The following LHX8 variants were observed in gnomAD, a reference collection of about 807,000 sequenced individuals.
LHX8 encodes the protein LIM homeobox 8.
In LHX8, 12 loss-of-function variants were observed where a neutral mutation model predicts 40.3. The ratio of observed to expected loss-of-function variants is 0.30; its 90% CI spans 0.19 to 0.48. LHX8 has a LOEUF of 0.48. Among genes scored for constraint, LHX8 ranks in the 20% least tolerant of loss-of-function variants. LHX8 has a pLI of 0.99. For missense variants in LHX8, 344 were observed against 433.7 expected (o/e 0.79, Z 1.84); for synonymous variants, 179 against 162.0 (o/e 1.10, Z -0.80).
chr1:75,156,228 G>GTT (rs1553134302), intron 7 of LHX8, among the ~76,000 whole-genome samples: 1,872 of 129,194 alleles, frequency 0.014, 30 homozygotes, highest in African/African-American at 0.036. Context: ...TGTTGTTGTT[G>GTT]TTGTTGTTTT....
At chr1:75,146,979 A>T (rs1291923912) in intron 6 of LHX8, among the ~76,000 whole-genome samples, 3 of 152,174 alleles carry the variant, frequency 2.0e-5, no homozygotes, top group Non-Finnish European at 4.4e-5. Flanking sequence ...TATTTGAAAA[A>T]TTAAAAAACA....
At chr1:75,129,474 A>T (rs1647907043), upstream of LHX8, among the ~76,000 whole-genome samples, 1 of 152,108 alleles carries the variant, frequency 6.6e-6, no homozygotes, top group Admixed American at 6.5e-5. Context: ...TACGAGTTAC[A>T]CCGGAGGTGG....
intron 1 of LHX8, among the ~76,000 whole-genome samples, chr1:75,135,847 C>A (rs1312650647): frequency 6.6e-6 from 1 of 152,100 alleles, no homozygotes; most frequent in Non-Finnish European, 1.5e-5. Flanking sequence ...AAAAATAATC[C>A]TTTAGTAGCT....
chr1:75,179,431 C>T, the LHX8 span, among the ~76,000 whole-genome samples: 3 of 151,154 alleles, frequency 2.0e-5, no homozygotes, highest in Middle Eastern at 6.9e-3. Flanking sequence ...ATGTAATGGC[C>T]TTCCTTGTCT....
At chr1:75,156,208 G>A (rs1648759500) in intron 7 of LHX8, among the ~76,000 whole-genome samples, 1 of 38,104 alleles carries the variant, frequency 2.6e-5, no homozygotes, top group African/African-American at 9.0e-5. Flanking sequence ...TTTTGTTTGG[G>A]CTTTGTTGTT....
the LHX8 span, among the ~76,000 whole-genome samples, chr1:75,168,953 C>T: frequency 2.4e-4 from 37 of 152,156 alleles, no homozygotes; most frequent in Non-Finnish European, 3.8e-4. Context: ...CAACTTGTTC[C>T]GGGCTTCCAC....
chr1:75,136,678 G>A lies in LHX8; in HGVS notation c.64G>A (p.Glu22Lys). Reference sequence around the variant, plus strand: ...CGGGAGGACTCGCAAAGGCGCCGGGGAAGAGGGACTGGTGAGTGCGGAGGG... The same window carrying A: ...CGGGAGGACTCGCAAAGGCGCCGGGAAAGAGGGACTGGTGAGTGCGGAGGG... ...AAGRTRKGAG[E>K]EGLVSPEGAG... Residue 22 changes from glutamate to lysine, a missense_variant, in exon 2 of 9, where the codon GAA (glutamate) becomes AAA (lysine). Glu to Lys is a moderately conservative substitution (Grantham distance 56). This residue lies in a region of LHX8 where 108 missense variants were observed against 90.1 expected (regional missense o/e 1.20). Transcript: ENST00000356261. The A allele has an allele frequency of 1.3e-6, 2 of 1,546,242 alleles. No homozygotes were observed. The highest frequency in any genetic ancestry group is 1.7e-6 in the Non-Finnish European group (2 of 1,146,578).
chr1:75,148,496 G>T, intron 6 of LHX8, 91 bp from the exon 7 acceptor site: 1 of 857,596 alleles, frequency 1.2e-6, no homozygotes, highest in Non-Finnish European at 2.0e-6. Context: ...CCATGTTCTT[G>T]TGCATGTCTT....
chr1:75,153,491 C>T (rs578191417), intron 7 of LHX8, among the ~76,000 whole-genome samples: 1 of 145,064 alleles, frequency 6.9e-6, no homozygotes, highest in Admixed American at 6.9e-5. Flanking sequence ...CAGCTCACTG[C>T]AACCTCTGCC....
the LHX8 span, among the ~76,000 whole-genome samples, chr1:75,177,683 T>C: frequency 6.6e-6 from 1 of 152,186 alleles, no homozygotes; most frequent in Non-Finnish European, 1.5e-5. Flanking sequence ...TCTTGCCTGA[T>C]TGCCCTGGCC....
At chr1:75,158,334 G>A (rs1313857345) in intron 8 of LHX8, among the ~76,000 whole-genome samples, 3 of 152,070 alleles carry the variant, frequency 2.0e-5, no homozygotes, top group Non-Finnish European at 4.4e-5. Flanking sequence ...CTACTTAGTT[G>A]CTTGGCTTTT....
At position 75,160,884 on chromosome 1, in the gene LHX8, A is replaced by T. The variant is rs1648900631; in HGVS notation, c.1030A>T (p.Ser344Cys). 4 of 1,610,662 alleles carry T rather than the reference A, an allele frequency of 2.5e-6. No homozygotes were observed. Among genetic ancestry groups the T allele is most frequent in the Non-Finnish European group, 3.4e-6 (4 of 1,176,940 alleles). ...CCATTCAATGACACAACTGCCAATA[A>T]GTCATACCTAATTCTTTTTTCAGGG... ...LPHSMTQLPI[S>C]HT Residue 344 changes from serine to cysteine, a missense_variant, in exon 9 of 9, where the codon AGT (serine) becomes TGT (cysteine). Transcript: ENST00000356261.
chr1:75,188,452 C>G, the LHX8 span, among the ~76,000 whole-genome samples: 2 of 152,168 alleles, frequency 1.3e-5, no homozygotes, highest in African/African-American at 4.8e-5. Context: ...TACAACAGCT[C>G]TGGGAACTTT....
chr1:75,175,887 G>C, the LHX8 span, among the ~76,000 whole-genome samples: 2 of 152,000 alleles, frequency 1.3e-5, no homozygotes, highest in Non-Finnish European at 2.9e-5. Flanking sequence ...TGTTCTCATT[G>C]TCTAGTTACC....
chr1:75,159,932 A>G (rs915916108), intron 8 of LHX8: 10 of 152,154 alleles, frequency 6.6e-5, no homozygotes, highest in Admixed American at 5.2e-4. Context: ...TGGAATCACA[A>G]ATGAATCCCT....
chr1:75,149,262 A>C (rs2100349387), intron 7 of LHX8, among the ~76,000 whole-genome samples: 1 of 152,364 alleles, frequency 6.6e-6, no homozygotes, highest in East Asian at 1.9e-4. Context: ...TTTCAAATGT[A>C]GAATTTATGT....
At chr1:75,145,201 T>C (rs1250124217) in intron 6 of LHX8, among the ~76,000 whole-genome samples, 1 of 152,142 alleles carries the variant, frequency 6.6e-6, no homozygotes, top group African/African-American at 2.4e-5. Flanking sequence ...GGGTTCTTCA[T>C]TGGATTATTA....
intron 8 of LHX8, among the ~76,000 whole-genome samples, chr1:75,157,543 T>G (rs1207503438): frequency 6.6e-6 from 1 of 152,234 alleles, no homozygotes; most frequent in Non-Finnish European, 1.5e-5. Flanking sequence ...ATATAGATAT[T>G]GCCCAAAGTA....
chr1:75,144,316 C>T (rs942999387), intron 6 of LHX8, among the ~76,000 whole-genome samples: 2 of 152,152 alleles, frequency 1.3e-5, no homozygotes, highest in African/African-American at 4.8e-5. Flanking sequence ...TGAAGAGAGA[C>T]ATACATGTCC....
Sources: allele counts gnomAD v4.1 joint callset (sites outside exome capture counted in the v4.1 genomes callset), GRCh38; gene constraint gnomAD v4.1.1; regional missense constraint gnomAD v4.1.1; transcripts MANE v1.5; gene names NCBI Gene and HGNC (gene_info 2026-07-23, HGNC 2026-07-21).